DSCAML1: variants seen among roughly 807,000 people sequenced by gnomAD.
DSCAML1 encodes cell adhesion molecule DSCAML1.
Under a neutral mutation model 200.5 loss-of-function variants are expected in DSCAML1, and 38 were observed. The ratio of observed to expected loss-of-function variants is 0.19; its 90% CI spans 0.15 to 0.25. DSCAML1 has a LOEUF of 0.25. DSCAML1 is among the 10% of genes least tolerant of loss of function. DSCAML1 has a pLI of 1.00. For synonymous variants in DSCAML1, 1,215 were observed against 1,165.0 expected, an observed-to-expected ratio of 1.04 and a Z score of -0.87; for missense variants, 2,223 against 2,858.8, an observed-to-expected ratio of 0.78 and a Z score of 5.07.
At chr11:117,495,396 C>G (rs10892129) in intron 11 of DSCAML1, among the ~76,000 whole-genome samples, 13,259 of 152,194 alleles carry the variant, frequency 0.087, 676 homozygotes, top group African/African-American at 0.13. Context: ...AGAACTGAAT[C>G]CTGCCACGTC....
chr11:117,587,073 C>T (rs1315531868), intron 3 of DSCAML1, among the ~76,000 whole-genome samples: 5 of 152,080 alleles, frequency 3.3e-5, no homozygotes, highest in Admixed American at 1.3e-4. Flanking sequence ...TCACGCAGGA[C>T]CCCAGGGAGA....
At chr11:117,743,311 T>C (rs2137845998) in intron 3 of DSCAML1, among the ~76,000 whole-genome samples, 1 of 152,232 alleles carries the variant, frequency 6.6e-6, no homozygotes, top group East Asian at 1.9e-4. Flanking sequence ...GGTTCCTGGA[T>C]TGGGGCCAGT....
chr11:117,601,069 TA>T (rs1048624753), intron 3 of DSCAML1, among the ~76,000 whole-genome samples: 1 of 152,154 alleles, frequency 6.6e-6, no homozygotes, highest in African/African-American at 2.4e-5. Flanking sequence ...CATTTTGCCG[TA>T]CACCCACAGA....
At position 117,797,094 on chromosome 11, in the gene DSCAML1, C is replaced by G; in HGVS notation, c.-15G>C. ...ACCAGCCACATGCCATAAAGAGGCC[C>G]TATTCTCCGGGGAGGTGGTCCTGTG... On this transcript the variant is annotated 5_prime_UTR_variant, in exon 1 of 33. Coordinates refer to ENST00000651296, the MANE Select transcript of DSCAML1 (RefSeq NM_020693.4). 1 of 1,587,752 alleles carries G rather than the reference C, an allele frequency of 6.3e-7. No homozygotes were observed.
intron 3 of DSCAML1, among the ~76,000 whole-genome samples, chr11:117,751,727 G>A (rs2054609067): frequency 6.6e-6 from 1 of 152,170 alleles, no homozygotes; most frequent in African/African-American, 2.4e-5. Context: ...AAAAAATGGA[G>A]GCTCAGGGGG....
rs1357155834 is a variant in DSCAML1, at chr11:117,498,774, T to G, written c.2359+5071A>C. Among the ~76,000 whole-genome samples, 1 of 152,120 alleles carries G rather than the reference T, an allele frequency of 6.6e-6. No individual in the cohort carries two copies. Among genetic ancestry groups the G allele is most frequent in the Non-Finnish European group, 1.5e-5 (1 of 68,002 alleles). On this transcript the variant is annotated intron_variant, in intron 11 of 32. Coordinates refer to ENST00000651296, the MANE Select transcript of DSCAML1 (RefSeq NM_020693.4). The surrounding 1 kb of genome is among the most constrained non-coding windows in gnomAD (Gnocchi z 4.0). ...GGCCCCAAGCTCCCCGCTCCTGATG[T>G]TGTGGCTGCGCAGCTGGGTGTGTGC... is the stretch of plus-strand genomic sequence containing the variant.
chr11:117,481,316 G>C (rs768989303), intron 12 of DSCAML1, 46 bp from the exon 13 acceptor site: 1 of 1,591,538 alleles, frequency 6.3e-7, no homozygotes, highest in Non-Finnish European at 8.6e-7. Flanking sequence ...AACAGGGAGA[G>C]TCTTTTAGAG....
intron 3 of DSCAML1, among the ~76,000 whole-genome samples, chr11:117,762,046 T>TGTACAGCAACCAGCAAC (rs1403170103): frequency 2.6e-4 from 39 of 152,212 alleles, no homozygotes; most frequent in African/African-American, 9.2e-4. Context: ...CAGCATCGAC[T>TGTACAGCAACCAGCAAC]CACTCCACGC....
intron 8 of DSCAML1, among the ~76,000 whole-genome samples, chr11:117,506,420 T>G (rs694093): frequency 0.72 from 108,913 of 151,988 alleles, 39,793 homozygotes; most frequent in South Asian, 0.87. Flanking sequence ...GGTTGCCCAG[T>G]TCATAAGATA....
intron 3 of DSCAML1, among the ~76,000 whole-genome samples, chr11:117,699,527 A>C (rs2053634929): frequency 6.6e-6 from 1 of 151,892 alleles, no homozygotes; most frequent in African/African-American, 2.4e-5. Context: ...TGCTGCACAG[A>C]CCTCCCTGCC....
At chr11:117,687,916 T>G (rs938118919) in intron 3 of DSCAML1, among the ~76,000 whole-genome samples, 8 of 152,166 alleles carry the variant, frequency 5.3e-5, no homozygotes, top group Non-Finnish European at 1.2e-4. Context: ...CATGGCCAGA[T>G]GGGCCACGTG....
At chr11:117,786,003 C>T (rs919531426) in intron 1 of DSCAML1, among the ~76,000 whole-genome samples, 4 of 152,162 alleles carry the variant, frequency 2.6e-5, no homozygotes, top group Non-Finnish European at 5.9e-5. Flanking sequence ...GAAGTTTCCC[C>T]TCATGCCTTC....
At chr11:117,735,827 G>T (rs1314457156) in intron 3 of DSCAML1, among the ~76,000 whole-genome samples, 1 of 151,756 alleles carries the variant, frequency 6.6e-6, no homozygotes, top group Middle Eastern at 3.2e-3. Flanking sequence ...AAGCCCCAGG[G>T]CTCCTGGAAA....
intron 1 of DSCAML1, among the ~76,000 whole-genome samples, chr11:117,816,970 A>C (rs1038880187): frequency 2.0e-5 from 3 of 152,196 alleles, no homozygotes; most frequent in Non-Finnish European, 4.4e-5. Context: ...CCAGCCAGGA[A>C]GTGCCTGCCA....
At chr11:117,436,074 G>A (rs1461203641) in intron 26 of DSCAML1, among the ~76,000 whole-genome samples, 4 of 152,158 alleles carry the variant, frequency 2.6e-5, no homozygotes. Flanking sequence ...TTAGTCTCTC[G>A]CCTGTTGAAG....
intron 3 of DSCAML1, among the ~76,000 whole-genome samples, chr11:117,636,793 A>G (rs969838241): frequency 6.6e-6 from 1 of 152,144 alleles, no homozygotes; most frequent in Admixed American, 6.5e-5. Flanking sequence ...TTTTACATCT[A>G]CTTTGTAGGG....
Position 117,552,232 on chromosome 11 carries a change from G to A in DSCAML1, c.512-19710C>T, listed in dbSNP as rs528528793. 2.6e-5 allele frequency among the ~76,000 whole-genome samples: 4 copies of A among 152,192 alleles called. 1 individual carries two copies. In the South Asian group the frequency reaches 8.3e-4, roughly 32 times the overall value. On this transcript the variant is annotated intron_variant, in intron 3 of 32. Coordinates refer to ENST00000651296, the MANE Select transcript of DSCAML1 (RefSeq NM_020693.4). ...GTCAGTGGAGCAGCCCTCCCGCCTT[G>A]ACAATTGTCTCAACAGGTGCCTGGG... is the stretch of plus-strand genomic sequence containing the variant.
chr11:117,805,749 T>C (rs1452634061), intron 1 of DSCAML1, among the ~76,000 whole-genome samples: 1 of 152,204 alleles, frequency 6.6e-6, no homozygotes, highest in Admixed American at 6.5e-5. Context: ...GCCCAGCCCC[T>C]GTGCAAGGAG....
Position 117,780,220 on chromosome 11 carries a change from AAAGAAAGAAAG to A in DSCAML1, c.364+262_364+272del, listed in dbSNP as rs143485000. Reference sequence around the variant, plus strand: ...GAAAGAGAAAGAAAGAGAGAGAGAGAAAGAAAGAAAGGAAAGAAAGAAAGAAAGAAAGAAAG... The same window carrying A: ...GAAAGAGAAAGAAAGAGAGAGAGAGAGAAAGAAAGAAAGAAAGAAAGAAAG... On this transcript the variant is annotated intron_variant, in intron 2 of 32. Transcript: ENST00000651296. The surrounding 1 kb of genome is among the most constrained non-coding windows in gnomAD (Gnocchi z 4.8). Among the ~76,000 whole-genome samples, 2,785 of 76,330 alleles carry A rather than the reference AAAGAAAGAAAG, an allele frequency of 0.036. 137 individuals are homozygous for A. Among genetic ancestry groups the A allele is most frequent in the Middle Eastern group, 0.078 (10 of 128 alleles). The allele number at this position is 76,330 out of a possible 152,430, so 50.1% of individuals were successfully genotyped here. A position where few individuals can be genotyped will look rare whatever the true frequency, so the allele number is the denominator to read the frequency against.
Sources: gnomAD v4.1 joint callset for allele counts (sites outside exome capture counted in the v4.1 genomes callset) on GRCh38, gnomAD v4.1.1 for gene constraint, Gnocchi (gnomAD v3.1) non-coding constraint, MANE v1.5 for transcripts, NCBI Gene and HGNC (gene_info 2026-07-23, HGNC 2026-07-21) for gene names.